Variants in CAMTA1 observed in about 807,000 individuals in gnomAD.
The protein encoded by CAMTA1 is calmodulin-binding transcription activator 1.
A neutral mutation model predicts 170.9 loss-of-function variants in CAMTA1; 27 were observed. The observed-to-expected ratio is 0.16, with a 90% CI of 0.12 to 0.22. The LOEUF is 0.22. Among genes scored for constraint, CAMTA1 ranks in the 10% least tolerant of loss-of-function variants. The probability of loss-of-function intolerance (pLI) is 1.00; values close to 1 mark genes in which losing one functional copy is unlikely to be tolerated. For missense variants in CAMTA1, 1,619 were observed against 2,217.2 expected (o/e 0.73, Z 5.42); for synonymous variants, 833 against 891.5 (o/e 0.93, Z 1.17).
chr1:6,960,139 C>T (rs1190244916), intron 3 of CAMTA1, among the ~76,000 whole-genome samples: 1 of 152,148 alleles, frequency 6.6e-6, no homozygotes, highest in Non-Finnish European at 1.5e-5. Context: ...TTCTTGAAAT[C>T]TGTAAAGCAT....
At chr1:7,172,986 C>T (rs1046819483) in intron 4 of CAMTA1, among the ~76,000 whole-genome samples, 3 of 152,138 alleles carry the variant, frequency 2.0e-5, no homozygotes, top group Non-Finnish European at 2.9e-5. Context: ...CCTGGTGCCT[C>T]GGGGAGGATG....
At chr1:6,875,708 T>C (rs1442750661) in intron 3 of CAMTA1, among the ~76,000 whole-genome samples, 1 of 152,182 alleles carries the variant, frequency 6.6e-6, no homozygotes, top group Admixed American at 6.6e-5. Flanking sequence ...GGGACTCTTA[T>C]TACCAATGGC....
intron 11 of CAMTA1, among the ~76,000 whole-genome samples, chr1:7,702,690 C>A (rs1426863748): frequency 1.3e-5 from 2 of 152,214 alleles, no homozygotes; most frequent in African/African-American, 4.8e-5. Flanking sequence ...TCTAGAAACA[C>A]TTTTTATTAA....
chr1:7,389,310 GCAGC>G (rs60729928), intron 5 of CAMTA1: 136,248 of 152,838 alleles, frequency 0.89, 60,902 homozygotes, highest in East Asian at 1. Flanking sequence ...TGCTCCCCCT[GCAGC>G]CCTGCTGGGT....
At position 7,342,011 on chromosome 1, in the gene CAMTA1, A is replaced by G. The variant is rs765498394; in HGVS notation, c.438+92385A>G. Among the ~76,000 whole-genome samples, 107 of 152,196 alleles carry G rather than the reference A, an allele frequency of 7.0e-4. 1 individual carries two copies. Among genetic ancestry groups the G allele is most frequent in the Non-Finnish European group, 2.6e-4 (18 of 68,038 alleles). On this transcript the variant is annotated intron_variant, in intron 5 of 22. Coordinates refer to ENST00000303635, the MANE Select transcript of CAMTA1 (RefSeq NM_015215.4). ...CTGGCCTAGGAGCTGTTTGTGTGCA[A>G]TACCTCAGGGAGTCTTCATACTGAC...
At chr1:7,750,221 C>T (rs1172994801) in intron 19 of CAMTA1, among the ~76,000 whole-genome samples, 3 of 152,128 alleles carry the variant, frequency 2.0e-5, no homozygotes, top group Admixed American at 6.5e-5. Context: ...CAGATAAGAC[C>T]AAAGAAGGTT....
At chr1:7,505,917 C>T (rs1325530421) in intron 6 of CAMTA1, among the ~76,000 whole-genome samples, 1 of 152,146 alleles carries the variant, frequency 6.6e-6, no homozygotes, top group Non-Finnish European at 1.5e-5. Context: ...ACCTGGCCCT[C>T]CCAGTCCGAG....
chr1:7,207,706 C>T (rs1422751599), intron 4 of CAMTA1, among the ~76,000 whole-genome samples: 1 of 152,130 alleles, frequency 6.6e-6, no homozygotes, highest in African/African-American at 2.4e-5. Context: ...ACCAAACCAC[C>T]GGCTCTGTGC....
At chr1:7,315,132 A>G (rs1677298550) in intron 5 of CAMTA1, among the ~76,000 whole-genome samples, 1 of 152,206 alleles carries the variant, frequency 6.6e-6, no homozygotes, top group Non-Finnish European at 1.5e-5. Context: ...CTTCTCCTGG[A>G]AAGCAATTGG....
chr1:7,574,261 C>T (rs2150352744), intron 6 of CAMTA1, among the ~76,000 whole-genome samples: 1 of 152,216 alleles, frequency 6.6e-6, no homozygotes, highest in South Asian at 2.1e-4. Flanking sequence ...GTCCTGTGCA[C>T]CTGCCAAACA....
At chr1:7,178,842 A>G (rs1282628964) in intron 4 of CAMTA1, among the ~76,000 whole-genome samples, 1 of 152,232 alleles carries the variant, frequency 6.6e-6, no homozygotes, top group Non-Finnish European at 1.5e-5. Context: ...CCACAACCTC[A>G]GGGATTTCCT....
At position 7,766,663 on chromosome 1, in the gene CAMTA1, A is replaced by G. The variant is rs2097027076; in HGVS notation, c.*172A>G. On this transcript the variant is annotated 3_prime_UTR_variant, in exon 23 of 23. Coordinates refer to ENST00000303635, the MANE Select transcript of CAMTA1 (RefSeq NM_015215.4). ...TTGGGGAGATCAGCTGCAGGATTTT[A>G]ACAGGAATGTTTTGGTCATTGCATT... The G allele has an allele frequency of 1.8e-6, 1 of 564,228 alleles. No homozygotes were observed. Among genetic ancestry groups the G allele is most frequent in the Non-Finnish European group, 3.2e-6 (1 of 316,788 alleles). The allele number at this position is 564,228 out of a possible 1,614,324, so 35.0% of individuals were successfully genotyped here. A position where few individuals can be genotyped will look rare whatever the true frequency, so the allele number is the denominator to read the frequency against.
At chr1:7,179,352 C>T (rs548919283) in intron 4 of CAMTA1, among the ~76,000 whole-genome samples, 1 of 152,150 alleles carries the variant, frequency 6.6e-6, no homozygotes, top group East Asian at 1.9e-4. Context: ...CAGCACAAGG[C>T]AGATGAAGTG....
At chr1:7,255,848 A>G (rs1667291950) in intron 5 of CAMTA1, among the ~76,000 whole-genome samples, 1 of 152,158 alleles carries the variant, frequency 6.6e-6, no homozygotes, top group African/African-American at 2.4e-5. Flanking sequence ...GTCCTGGCAG[A>G]TACGTTTATC....
intron 3 of CAMTA1, among the ~76,000 whole-genome samples, chr1:6,922,930 T>A (rs1682336986): frequency 6.6e-6 from 1 of 152,176 alleles, no homozygotes; most frequent in South Asian, 2.1e-4. Context: ...ATCACTCCGG[T>A]GACGGTGGCA....
intron 6 of CAMTA1, among the ~76,000 whole-genome samples, chr1:7,542,717 C>T (rs865901277): frequency 7.2e-5 from 11 of 151,894 alleles, no homozygotes; most frequent in South Asian, 4.2e-4. Context: ...TTAGTAGAGA[C>T]GGGATTTCGC....
chr1:7,118,451 C>T (rs750274857), intron 4 of CAMTA1, among the ~76,000 whole-genome samples: 1 of 151,558 alleles, frequency 6.6e-6, no homozygotes, highest in Non-Finnish European at 1.5e-5. Flanking sequence ...CATCACCATG[C>T]CTGGCTAATT....
intron 3 of CAMTA1, among the ~76,000 whole-genome samples, chr1:6,872,236 C>CCAT (rs1326235503): frequency 2.8e-5 from 3 of 108,710 alleles, no homozygotes; most frequent in East Asian, 3.8e-4. Context: ...CTCACCATCA[C>CCAT]CACCACCACC....
In CAMTA1 at chr1:7,513,964, T is replaced by C. The variant is rs571238239; in HGVS notation, c.510+46063T>C. On this transcript the variant is annotated intron_variant, in intron 6 of 22. Transcript: ENST00000303635. Reference sequence around the variant, plus strand: ...ACACACACATACACACACACACACATACACACACAAACACCAGTTACACTG... The same window carrying C: ...ACACACACATACACACACACACACACACACACACAAACACCAGTTACACTG... Among the ~76,000 whole-genome samples, 25 of 128,406 alleles carry C rather than the reference T, an allele frequency of 1.9e-4. No homozygotes were observed. The South Asian group carries it at 6.0e-3, about 31-fold the overall frequency. 84.2% of individuals were successfully genotyped at this position (128,406 alleles called of 152,430 possible).
Sources: gnomAD v4.1 joint callset for allele counts (sites outside exome capture counted in the v4.1 genomes callset) on GRCh38, gnomAD v4.1.1 for gene constraint, MANE v1.5 for transcripts, NCBI Gene and HGNC (gene_info 2026-07-23, HGNC 2026-07-21) for gene names.